The following TSPAN18 variants were observed in gnomAD, a reference collection of about 807,000 sequenced individuals.
The protein encoded by TSPAN18 is tetraspanin 18, also known as tetraspanin-18.
TSPAN18 carries 14 observed loss-of-function variants against 27.3 expected under a neutral mutation model. That is an observed-to-expected ratio of 0.51 (90% CI 0.34 to 0.80). TSPAN18 has a LOEUF of 0.80. Among genes scored for constraint, TSPAN18 ranks in the 30% least tolerant of loss-of-function variants. TSPAN18 has a pLI of 0.01. For synonymous variants in TSPAN18, 143 were observed against 136.5 expected, an observed-to-expected ratio of 1.05 and a Z score of -0.33; for missense variants, 268 against 323.9, an observed-to-expected ratio of 0.83 and a Z score of 1.32.
intron 3 of TSPAN18, among the ~76,000 whole-genome samples, chr11:44,885,659 C>T (rs1858625460): frequency 6.6e-6 from 1 of 152,162 alleles, no homozygotes; most frequent in East Asian, 1.9e-4. Flanking sequence ...GAAAACAGGA[C>T]TCTCTGACTC....
chr11:44,798,071 C>T (rs1013129510), intron 2 of TSPAN18, among the ~76,000 whole-genome samples: 4 of 152,186 alleles, frequency 2.6e-5, no homozygotes, highest in African/African-American at 9.7e-5. Context: ...CATCTGAACA[C>T]ACTTCTAGAA....
chr11:44,828,528 G>A (rs750900663), intron 2 of TSPAN18, among the ~76,000 whole-genome samples: 58 of 152,272 alleles, frequency 3.8e-4, no homozygotes, highest in Admixed American at 2.0e-3. Flanking sequence ...CAGGGGCCCC[G>A]GAAAGGTGGT....
chr11:44,788,743 G>A (rs1013275683), intron 2 of TSPAN18, among the ~76,000 whole-genome samples: 12 of 152,134 alleles, frequency 7.9e-5, no homozygotes, highest in East Asian at 1.9e-4. Flanking sequence ...CACCGCACCC[G>A]GCCTGGAGGA....
At chr11:44,856,786 C>T (rs1245738907) in intron 2 of TSPAN18, among the ~76,000 whole-genome samples, 1 of 152,302 alleles carries the variant, frequency 6.6e-6, no homozygotes, top group African/African-American at 2.4e-5. Flanking sequence ...ACGCAAATTT[C>T]GGGAAATACT....
At chr11:44,813,138 C>T (rs1268479830) in intron 2 of TSPAN18, among the ~76,000 whole-genome samples, 1 of 152,222 alleles carries the variant, frequency 6.6e-6, no homozygotes, top group African/African-American at 2.4e-5. Flanking sequence ...GCCTCAGCGG[C>T]CTGGCGCTTC....
chr11:44,773,108 CT>C (rs1855726131), intron 2 of TSPAN18, among the ~76,000 whole-genome samples: 1 of 152,124 alleles, frequency 6.6e-6, no homozygotes, highest in Non-Finnish European at 1.5e-5. Context: ...TCATTTGAAG[CT>C]TACATACACA....
At chr11:44,744,869 A>G (rs1025756624) in intron 1 of TSPAN18, among the ~76,000 whole-genome samples, 1 of 152,174 alleles carries the variant, frequency 6.6e-6, no homozygotes, top group African/African-American at 2.4e-5. Flanking sequence ...GCAAATGCCA[A>G]CGCTGATCGA....
chr11:44,923,554 G>A (rs1272272396), intron 8 of TSPAN18, among the ~76,000 whole-genome samples: 1 of 152,190 alleles, frequency 6.6e-6, no homozygotes. Flanking sequence ...GGAGAACCCA[G>A]CCGCTCATGC....
rs970404642 is a variant in TSPAN18, at chr11:44,864,242, G to A, written c.-11+3773G>A. Among the ~76,000 whole-genome samples, 7 of 132,044 alleles carry A rather than the reference G, an allele frequency of 5.3e-5. No homozygotes were observed. The South Asian group carries it at 1.4e-3, about 27-fold the overall frequency. 86.6% of individuals were successfully genotyped at this position (132,044 alleles called of 152,430 possible). On this transcript the variant is annotated intron_variant, in intron 3 of 9. Transcript: ENST00000520358. ...GCAGAGGTTGCAGTGAGCCAAGACC[G>A]CACCACTGCACTCCAGCCTGGGTGA... is the stretch of plus-strand genomic sequence containing the variant.
intron 8 of TSPAN18, among the ~76,000 whole-genome samples, chr11:44,920,518 C>A (rs533615141): frequency 6.6e-6 from 1 of 152,314 alleles, no homozygotes; most frequent in Non-Finnish European, 1.5e-5. Flanking sequence ...TTGGAAGAAA[C>A]CCTTTCCCTT....
chr11:44,929,175 G>A lies in TSPAN18; in HGVS notation c.744G>A (p.Gln248=), dbSNP rs140231195. Residue 248 remains glutamine, a synonymous_variant, in exon 10 of 10, where the codon CAG becomes CAA. Transcript: ENST00000520358. ...CCATGTGCCTCTTCCGGGGCATCCAGTAGAGGGTATGGCCTGAAGCCTGAA... is the reference window on the plus strand; with the variant it reads ...CCATGTGCCTCTTCCGGGGCATCCAATAGAGGGTATGGCCTGAAGCCTGAA... ...IFAMCLFRGI[Q] 3 of 1,613,432 alleles carry A rather than the reference G, an allele frequency of 1.9e-6. No individual in the cohort carries two copies. In the African/African-American group the frequency reaches 4.0e-5, roughly 22 times the overall value.
At chr11:44,885,484 G>A (rs984150811) in intron 3 of TSPAN18, among the ~76,000 whole-genome samples, 4 of 152,130 alleles carry the variant, frequency 2.6e-5, no homozygotes, top group Admixed American at 1.3e-4. Flanking sequence ...TGGTGGAGCT[G>A]GTGACCGGTC....
intron 1 of TSPAN18, among the ~76,000 whole-genome samples, chr11:44,754,915 C>T (rs1024297753): frequency 6.6e-6 from 1 of 152,206 alleles, no homozygotes; most frequent in Admixed American, 6.5e-5. Context: ...CCACAGGCTA[C>T]ACATGCTCTT....
In TSPAN18 at chr11:44,880,427, T is replaced by A. The variant is rs75662199; in HGVS notation, c.-11+19958T>A. Among the ~76,000 whole-genome samples the A allele has an allele frequency of 7.8e-3, 1,185 of 152,276 alleles. 14 individuals carry two copies. Among genetic ancestry groups the A allele is most frequent in the African/African-American group, 0.028 (1,147 of 41,558 alleles). On this transcript the variant is annotated intron_variant, in intron 3 of 9. Transcript: ENST00000520358. ...ACCTCCCTGGGACTCCCTCTCCTCA[T>A]CTGTAAAATGAGGATGATAGTGATG...
intron 2 of TSPAN18, among the ~76,000 whole-genome samples, chr11:44,818,885 C>T (rs1335917708): frequency 1.3e-5 from 2 of 152,090 alleles, no homozygotes; most frequent in Admixed American, 6.5e-5. Context: ...CAGCACGTGG[C>T]CTGACTTCCC....
chr11:44,829,435 C>T lies in TSPAN18; in HGVS notation c.-152-30893C>T, dbSNP rs543309440. ...AGAATGTCATATAATTGGAATTATA[C>T]AGTATGTAGCCTTTTTAGACAGGCT... On this transcript the variant is annotated intron_variant, in intron 2 of 9. Coordinates refer to ENST00000520358, the MANE Select transcript of TSPAN18 (RefSeq NM_130783.5). 6.6e-5 allele frequency among the ~76,000 whole-genome samples: 10 copies of T among 152,308 alleles called. 2 individuals are homozygous for T. In the South Asian group the frequency reaches 2.1e-3, roughly 32 times the overall value.
intron 3 of TSPAN18, among the ~76,000 whole-genome samples, chr11:44,869,687 C>A (rs1324966782): frequency 1.3e-5 from 2 of 152,224 alleles, no homozygotes; most frequent in Admixed American, 1.3e-4. Context: ...TTTATCCTAA[C>A]TCAGAGGCCG....
chr11:44,777,016 T>G (rs553710062), intron 2 of TSPAN18, among the ~76,000 whole-genome samples: 32 of 152,142 alleles, frequency 2.1e-4, no homozygotes, highest in Non-Finnish European at 2.2e-4. Flanking sequence ...ACTTTACCCC[T>G]CTCTGGGTGC....
At chr11:44,908,332 C>G (rs1033317445) in intron 4 of TSPAN18, among the ~76,000 whole-genome samples, 1 of 152,140 alleles carries the variant, frequency 6.6e-6, no homozygotes, top group African/African-American at 2.4e-5. Flanking sequence ...CTCCGGTCCT[C>G]CCACCACACA....
Sources: allele counts gnomAD v4.1 joint callset (sites outside exome capture counted in the v4.1 genomes callset), GRCh38; gene constraint gnomAD v4.1.1; transcripts MANE v1.5; gene names NCBI Gene and HGNC (gene_info 2026-07-23, HGNC 2026-07-21).